The following CUX2 variants were observed in gnomAD, a reference collection of about 807,000 sequenced individuals.
CUX2 encodes the protein homeobox protein cut-like 2.
In CUX2, 40 loss-of-function variants were observed where a neutral mutation model predicts 144.8. The observed-to-expected ratio is 0.28, with a 90% CI of 0.21 to 0.36. The LOEUF (loss-of-function observed/expected upper bound fraction) is 0.36, where lower values mean the gene tolerates loss of function less well. Among genes scored for constraint, CUX2 ranks in the 10% least tolerant of loss-of-function variants. The probability of loss-of-function intolerance (pLI) is 1.00; values close to 1 mark genes in which losing one functional copy is unlikely to be tolerated. For synonymous variants in CUX2, 827 were observed against 875.6 expected, an observed-to-expected ratio of 0.94 and a Z score of 0.98; for missense variants, 1,615 against 1,994.0, an observed-to-expected ratio of 0.81 and a Z score of 3.62.
chr12:111,347,588 G>A lies in CUX2; in HGVS notation c.3724G>A (p.Gly1242Arg), dbSNP rs201097767. The A allele has an allele frequency of 2.9e-4, 460 of 1,613,374 alleles. 1 individual carries two copies. The highest frequency in any genetic ancestry group is 3.6e-4 in the Non-Finnish European group (421 of 1,179,802). The change falls in exon 22 of 22, where the codon GGG (glycine) becomes AGG (arginine). Residue 1242 changes from glycine to arginine, a missense_variant. By Grantham distance (125) the Gly-to-Arg change is moderately radical. Transcript: ENST00000261726. ...TQDEPDLDPS[G>R]GPGILPPGHS... ...GGATGAGCCAGACCTTGATCCAAGC[G>A]GGGGTCCTGGAATCCTACCGCCAGG...
intron 1 of CUX2, among the ~76,000 whole-genome samples, chr12:111,195,013 G>A (rs959529050): frequency 5.3e-5 from 8 of 152,136 alleles, no homozygotes. Flanking sequence ...ACCCACATGC[G>A]GGGGTGTCAA....
chr12:111,291,694 G>C, intron 5 of CUX2, 142 bp downstream of exon 5: 1 of 929,050 alleles, frequency 1.1e-6, no homozygotes, highest in Non-Finnish European at 1.5e-6. Context: ...TCTAGTTCCT[G>C]GGTATATATT....
intron 1 of CUX2, among the ~76,000 whole-genome samples, chr12:111,074,883 C>T (rs1871440394): frequency 6.6e-6 from 1 of 150,630 alleles, no homozygotes. Flanking sequence ...GGGCCCAGGC[C>T]TGAGCCTCTC....
chr12:111,290,262 G>A (rs2136328869), intron 4 of CUX2, among the ~76,000 whole-genome samples: 1 of 152,236 alleles, frequency 6.6e-6, no homozygotes, highest in East Asian at 1.9e-4. Flanking sequence ...CTACTCGGGA[G>A]GCTGAGGCAG....
chr12:111,093,926 T>C (rs1049030741), intron 1 of CUX2, among the ~76,000 whole-genome samples: 18 of 152,240 alleles, frequency 1.2e-4, no homozygotes, highest in Non-Finnish European at 1.6e-4. Context: ...ATTTATTTAC[T>C]GTGACTGTGA....
At chr12:111,202,855 AAG>A (rs1478352541) in intron 1 of CUX2, among the ~76,000 whole-genome samples, 1 of 152,124 alleles carries the variant, frequency 6.6e-6, no homozygotes, top group Non-Finnish European at 1.5e-5. Flanking sequence ...AAGGTGGTAT[AAG>A]AGCTAAGCCT....
At chr12:111,123,096 G>A (rs1196391729) in intron 1 of CUX2, among the ~76,000 whole-genome samples, 1 of 152,204 alleles carries the variant, frequency 6.6e-6, no homozygotes, top group African/African-American at 2.4e-5. Context: ...CCGTGTCTCT[G>A]GCTGACCCAG....
chr12:111,053,118 G>C (rs555474415), intron 1 of CUX2, among the ~76,000 whole-genome samples: 69 of 152,324 alleles, frequency 4.5e-4, no homozygotes, highest in African/African-American at 1.6e-3. Flanking sequence ...TTTCTCATCT[G>C]CAAAATGGGG....
At chr12:111,101,201 G>A (rs889645535) in intron 1 of CUX2, among the ~76,000 whole-genome samples, 34 of 152,120 alleles carry the variant, frequency 2.2e-4, no homozygotes, top group South Asian at 4.1e-4. Context: ...GGGTCAGTGC[G>A]GCCCGGGGGA....
intron 1 of CUX2, among the ~76,000 whole-genome samples, chr12:111,049,427 C>T (rs1251769192): frequency 6.6e-6 from 1 of 152,214 alleles, no homozygotes; most frequent in African/African-American, 2.4e-5. Flanking sequence ...AGAAAGCAGT[C>T]CCTGTTCTTA....
Position 111,068,681 on chromosome 12 carries a change from C to A in CUX2, c.63+34441C>A, listed in dbSNP as rs1321440164. Reference sequence around the variant, plus strand: ...CTGCTCTGCCTTGCGTGGTTCAACTCCGCCCCCTTCTTCCCTGATTCGTGT... The same window carrying A: ...CTGCTCTGCCTTGCGTGGTTCAACTACGCCCCCTTCTTCCCTGATTCGTGT... On this transcript the variant is annotated intron_variant, in intron 1 of 21. Transcript: ENST00000261726. This position sits in a 1 kb window ranked among gnomAD's most constrained non-coding sequence, Gnocchi z 4.9. 6.6e-6 allele frequency among the ~76,000 whole-genome samples: 1 copy of A among 152,204 alleles called. No individual in the cohort carries two copies. Among genetic ancestry groups the A allele is most frequent in the African/African-American group, 2.4e-5 (1 of 41,468 alleles).
intron 3 of CUX2, among the ~76,000 whole-genome samples, chr12:111,243,496 C>CTTTTTTTTTTT (rs761276935): frequency 5.0e-5 from 4 of 80,026 alleles, no homozygotes; most frequent in African/African-American, 1.2e-4. Context: ...GTTGATGTGC[C>CTTTTTTTTTTT]TTTTTTTTTT....
chr12:111,092,278 GTC>G (rs948696339), intron 1 of CUX2, among the ~76,000 whole-genome samples: 4 of 152,228 alleles, frequency 2.6e-5, no homozygotes, highest in Admixed American at 2.0e-4. Context: ...TCCCAGATGT[GTC>G]TCTGAATGAA....
At chr12:111,225,518 G>C (rs1882089433) in intron 3 of CUX2, among the ~76,000 whole-genome samples, 1 of 152,196 alleles carries the variant, frequency 6.6e-6, no homozygotes, top group South Asian at 2.1e-4. Flanking sequence ...TGTAAAACTG[G>C]GGCTCAGAGA....
chr12:111,283,097 A>G (rs1231791522), intron 4 of CUX2, among the ~76,000 whole-genome samples: 1 of 152,050 alleles, frequency 6.6e-6, no homozygotes, highest in African/African-American at 2.4e-5. Context: ...GCATGCCTGT[A>G]ATCTCATCTA....
At chr12:111,201,294 G>C (rs3809293) in intron 1 of CUX2, among the ~76,000 whole-genome samples, 35,577 of 152,082 alleles carry the variant, frequency 0.23, 5,266 homozygotes, top group East Asian at 0.73. Context: ...TGCCCGCACG[G>C]TTCCCTGCAG....
intron 21 of CUX2, among the ~76,000 whole-genome samples, chr12:111,345,611 G>A (rs564331542): frequency 1.3e-5 from 2 of 151,708 alleles, no homozygotes; most frequent in East Asian, 1.9e-4. Context: ...GCGTGGTGGC[G>A]GGCGCCTGTA....
intron 1 of CUX2, among the ~76,000 whole-genome samples, chr12:111,137,593 G>A (rs1485873967): frequency 3.3e-5 from 5 of 152,076 alleles, no homozygotes; most frequent in Admixed American, 2.6e-4. Flanking sequence ...GTTCACTACA[G>A]TCTCGACCTC....
chr12:111,208,404 T>G (rs1881033140), intron 1 of CUX2, among the ~76,000 whole-genome samples: 1 of 152,226 alleles, frequency 6.6e-6, no homozygotes. Context: ...AGGTGTGAAA[T>G]TACTTTAAAA....
Sources: gnomAD v4.1 joint callset for allele counts (sites outside exome capture counted in the v4.1 genomes callset) on GRCh38, gnomAD v4.1.1 for gene constraint, Gnocchi (gnomAD v3.1) non-coding constraint, MANE v1.5 for transcripts, NCBI Gene and HGNC (gene_info 2026-07-23, HGNC 2026-07-21) for gene names.